Variants in UBE2R2 observed in about 807,000 individuals in gnomAD.
UBE2R2 encodes ubiquitin-conjugating enzyme E2 R2.
UBE2R2 carries 1 observed loss-of-function variant against 27.8 expected under a neutral mutation model. That is an observed-to-expected ratio of 0.04 (90% CI 0.01 to 0.17). The LOEUF is 0.17. UBE2R2 is among the 10% of genes least tolerant of loss of function. The pLI, the probability that UBE2R2 is intolerant of heterozygous loss-of-function variation, is 1.00. For missense variants in UBE2R2, 100 were observed against 291.0 expected (o/e 0.34, Z 4.78); for synonymous variants, 106 against 113.3 (o/e 0.94, Z 0.41).
chr9:33,904,749 CTTCTT>C (rs989772981), intron 3 of UBE2R2, among the ~76,000 whole-genome samples: 72 of 152,294 alleles, frequency 4.7e-4, no homozygotes, highest in African/African-American at 1.7e-3. Flanking sequence ...AACCAGCATA[CTTCTT>C]TTGAAAGAAA....
chr9:33,891,752 G>T (rs1214414519), intron 2 of UBE2R2, among the ~76,000 whole-genome samples: 1 of 152,116 alleles, frequency 6.6e-6, no homozygotes, highest in Admixed American at 6.6e-5. Flanking sequence ...GTAAATAACT[G>T]TTGTGTTACA....
intron 2 of UBE2R2, among the ~76,000 whole-genome samples, chr9:33,896,976 T>C (rs1405697063): frequency 1.3e-5 from 2 of 151,404 alleles, no homozygotes; most frequent in African/African-American, 4.8e-5. Flanking sequence ...TGTTTGTTTT[T>C]TTAATATATA....
chr9:33,867,160 T>A (rs1172638822), intron 1 of UBE2R2, among the ~76,000 whole-genome samples: 1 of 152,154 alleles, frequency 6.6e-6, no homozygotes, highest in Non-Finnish European at 1.5e-5. Context: ...AGTGCTGGGA[T>A]TACAAGCGTG....
chr9:33,901,637 G>A (rs1224114522), intron 3 of UBE2R2, among the ~76,000 whole-genome samples: 1 of 152,168 alleles, frequency 6.6e-6, no homozygotes, highest in Non-Finnish European at 1.5e-5. Context: ...TTTATCAAAA[G>A]TGAAGAATTG....
intron 1 of UBE2R2, among the ~76,000 whole-genome samples, chr9:33,821,887 A>G (rs1157715301): frequency 6.6e-6 from 1 of 151,924 alleles, no homozygotes; most frequent in African/African-American, 2.4e-5. Flanking sequence ...CCAAAATGTA[A>G]TCCTAATTAG....
chr9:33,832,232 C>T (rs1371501821), intron 1 of UBE2R2, among the ~76,000 whole-genome samples: 2 of 150,638 alleles, frequency 1.3e-5, no homozygotes, highest in East Asian at 3.9e-4. Context: ...CGCTTGAACC[C>T]GGGAAGCAGA....
intron 1 of UBE2R2, among the ~76,000 whole-genome samples, chr9:33,880,773 T>C (rs904463280): frequency 1.3e-5 from 2 of 152,168 alleles, no homozygotes; most frequent in Admixed American, 6.6e-5. Context: ...AGGCATTAGA[T>C]TCTCAAGGAG....
At chr9:33,845,337 C>A (rs1172901440) in intron 1 of UBE2R2, among the ~76,000 whole-genome samples, 1 of 151,696 alleles carries the variant, frequency 6.6e-6, no homozygotes, top group Non-Finnish European at 1.5e-5. Flanking sequence ...AGCTCCGCCT[C>A]CCGGGTTCAC....
At chr9:33,855,217 A>G (rs1476434295) in intron 1 of UBE2R2, among the ~76,000 whole-genome samples, 3 of 151,650 alleles carry the variant, frequency 2.0e-5, no homozygotes, top group Non-Finnish European at 4.4e-5. Context: ...CTTGAATTTC[A>G]TTTTATCAGA....
At chr9:33,897,839 A>C (rs1587476977) in intron 2 of UBE2R2, among the ~76,000 whole-genome samples, 1 of 143,096 alleles carries the variant, frequency 7.0e-6, no homozygotes, top group African/African-American at 2.6e-5. Context: ...GCAATGGCAC[A>C]ATCTCGGTTC....
intron 2 of UBE2R2, among the ~76,000 whole-genome samples, chr9:33,888,588 G>T (rs1821914608): frequency 6.6e-6 from 1 of 152,168 alleles, no homozygotes; most frequent in South Asian, 2.1e-4. Flanking sequence ...TGCGATTTCA[G>T]CTAACTGAAC....
At chr9:33,836,370 C>T (rs555309465) in intron 1 of UBE2R2, among the ~76,000 whole-genome samples, 41 of 152,152 alleles carry the variant, frequency 2.7e-4, no homozygotes, top group Non-Finnish European at 3.1e-4. Context: ...CCTAATGATG[C>T]ATTTCTCAGA....
chr9:33,911,871 T>C (rs868789549), intron 3 of UBE2R2, 93 bp from the exon 4 acceptor site: 2 of 1,234,954 alleles, frequency 1.6e-6, no homozygotes, highest in Middle Eastern at 4.3e-4. Flanking sequence ...GGAGGGAGAA[T>C]TTGAAATCTG....
chr9:33,896,184 C>T (rs1822100970), intron 2 of UBE2R2, among the ~76,000 whole-genome samples: 1 of 152,068 alleles, frequency 6.6e-6, no homozygotes, highest in Admixed American at 6.6e-5. Flanking sequence ...ATTATGTATC[C>T]TATAACTTTC....
intron 3 of UBE2R2, among the ~76,000 whole-genome samples, chr9:33,903,099 CAA>C (rs760691175): frequency 1.1e-3 from 143 of 133,460 alleles, no homozygotes; most frequent in African/African-American, 3.8e-3. Context: ...AACGCTGTCT[CAA>C]AAAAAAAAAA....
rs1554675184 is a variant in UBE2R2 at position 33,877,823 on chromosome 9, G to GTCTCTCTCTCTCTCTCTCTCTCTC, written c.178-9055_178-9032dup. On this transcript the variant is annotated intron_variant, in intron 1 of 4. Transcript: ENST00000263228. Reference sequence around the variant, plus strand: ...TCTCTGTCTGTCTGTCTGTCTGTCTGTCTCTCTCTCTCTCTCTCTCTCTCT... The same window carrying GTCTCTCTCTCTCTCTCTCTCTCTC: ...TCTCTGTCTGTCTGTCTGTCTGTCTGTCTCTCTCTCTCTCTCTCTCTCTCTCTCTCTCTCTCTCTCTCTCTCTCT... Among the ~76,000 whole-genome samples the GTCTCTCTCTCTCTCTCTCTCTCTC allele has an allele frequency of 4.7e-3, 616 of 131,048 alleles. 1 individual carries two copies. The highest frequency in any genetic ancestry group is 6.3e-3 in the Non-Finnish European group (403 of 63,488). 86.0% of individuals were successfully genotyped at this position (131,048 alleles called of 152,430 possible).
At chr9:33,861,339 G>A (rs957312257) in intron 1 of UBE2R2, among the ~76,000 whole-genome samples, 1 of 151,918 alleles carries the variant, frequency 6.6e-6, no homozygotes, top group Non-Finnish European at 1.5e-5. Flanking sequence ...AGGCCGAGGC[G>A]GGCAGATTGC....
At chr9:33,890,332 C>A (rs1363121317) in intron 2 of UBE2R2, among the ~76,000 whole-genome samples, 1 of 151,548 alleles carries the variant, frequency 6.6e-6, no homozygotes, top group African/African-American at 2.4e-5. Context: ...ACCCTATAAT[C>A]CCAGCACTTT....
chr9:33,850,166 A>G (rs2130752245), intron 1 of UBE2R2, among the ~76,000 whole-genome samples: 2 of 152,260 alleles, frequency 1.3e-5, no homozygotes, highest in East Asian at 3.9e-4. Flanking sequence ...TGGCAAGCAG[A>G]AACTAAATAT....
Sources: gnomAD v4.1 joint callset for allele counts (sites outside exome capture counted in the v4.1 genomes callset) on GRCh38, gnomAD v4.1.1 for gene constraint, MANE v1.5 for transcripts, NCBI Gene and HGNC (gene_info 2026-07-23, HGNC 2026-07-21) for gene names.